Variants in OXR1 observed in about 807,000 individuals in gnomAD.
The protein encoded by OXR1 is oxidation resistance protein 1.
Under a neutral mutation model 104.6 loss-of-function variants are expected in OXR1, and 41 were observed. The ratio of observed to expected loss-of-function variants is 0.39; its 90% CI spans 0.31 to 0.51. The LOEUF (loss-of-function observed/expected upper bound fraction) is 0.51, where lower values mean the gene tolerates loss of function less well. Ranked by LOEUF, OXR1 falls within the 20% of genes least tolerant of loss-of-function variation. The probability of loss-of-function intolerance (pLI) is 0.77; values close to 1 mark genes in which losing one functional copy is unlikely to be tolerated. For missense variants in OXR1, 955 were observed against 1,031.9 expected, an observed-to-expected ratio of 0.93 and a Z score of 1.02; for synonymous variants, 348 against 348.4, an observed-to-expected ratio of 1.00 and a Z score of 0.01.
chr8:106,594,733 T>C (rs1819382870), intron 3 of OXR1, among the ~76,000 whole-genome samples: 1 of 152,164 alleles, frequency 6.6e-6, no homozygotes, highest in Non-Finnish European at 1.5e-5. Context: ...TGATTCATAT[T>C]GCTGCTAAGA....
chr8:106,542,690 G>A (rs2130340209), intron 3 of OXR1, among the ~76,000 whole-genome samples: 1 of 151,676 alleles, frequency 6.6e-6, no homozygotes, highest in South Asian at 2.1e-4. Context: ...CAGTTTAAAT[G>A]TTTCAAATAT....
At chr8:106,281,299 G>A (rs1222653301) in intron 1 of OXR1, among the ~76,000 whole-genome samples, 2 of 152,128 alleles carry the variant, frequency 1.3e-5, no homozygotes, top group Non-Finnish European at 2.9e-5. Context: ...CTCCAAATTG[G>A]AAATAACCCA....
intron 3 of OXR1, among the ~76,000 whole-genome samples, chr8:106,661,032 G>A (rs953807209): frequency 1.3e-5 from 2 of 151,598 alleles, no homozygotes; most frequent in African/African-American, 4.8e-5. Flanking sequence ...ACAAAAATTA[G>A]CCAGGCATGG....
intron 1 of OXR1, among the ~76,000 whole-genome samples, chr8:106,324,682 C>T (rs76460759): frequency 1.3e-5 from 2 of 152,080 alleles, no homozygotes; most frequent in Admixed American, 6.5e-5. Flanking sequence ...CCCACTGCTG[C>T]GGATGCTGAG....
chr8:106,688,598 A>G lies in OXR1; in HGVS notation c.526-4130A>G, dbSNP rs189839099. On this transcript the variant is annotated intron_variant, in intron 6 of 16. Transcript: ENST00000517566. The stretch of plus-strand genomic sequence containing the variant: ...TTTTTTTACTTAAAGAGTGCTTACT[A>G]TGTATTTACTGTGTTCATTTCAGAA... Among the ~76,000 whole-genome samples, 324 of 152,260 alleles carry G rather than the reference A, an allele frequency of 2.1e-3. 1 individual carries two copies. Among genetic ancestry groups the G allele is most frequent in the African/African-American group, 7.4e-3 (306 of 41,568 alleles).
intron 1 of OXR1, among the ~76,000 whole-genome samples, chr8:106,346,602 CATCAGCATGA>C (rs1815490002): frequency 6.6e-6 from 1 of 150,852 alleles, no homozygotes; most frequent in Admixed American, 6.6e-5. Context: ...TTTTTTTTCA[CATCAGCATGA>C]ATATCTGAAT....
At position 106,270,224 on chromosome 8, in the gene OXR1, G is replaced by C. The variant is rs2130451245; in HGVS notation, c.-282G>C. On this transcript the variant is annotated 5_prime_UTR_variant, in exon 1 of 17. Transcript: ENST00000517566. ...CGCCGGCAGCAGCGGGGCTAGAGCT[G>C]GGCTGCGTCAGGCTGAGCCCATTCA... 1.3e-5 allele frequency: 2 copies of C among 152,274 alleles called. No homozygotes were observed. Among genetic ancestry groups the C allele is most frequent in the East Asian group, 3.9e-4 (2 of 5,154 alleles). 9.4% of individuals were successfully genotyped at this position (152,274 alleles called of 1,614,324 possible). A position where few individuals can be genotyped will look rare whatever the true frequency, so the allele number is the denominator to read the frequency against.
At chr8:106,354,590 A>T (rs913115215) in intron 1 of OXR1, among the ~76,000 whole-genome samples, 3 of 152,156 alleles carry the variant, frequency 2.0e-5, no homozygotes, top group African/African-American at 4.8e-5. Flanking sequence ...CACTGTGTAC[A>T]CTTAATGCTT....
At chr8:106,689,117 A>T (rs1298872164) in intron 6 of OXR1, among the ~76,000 whole-genome samples, 2 of 152,158 alleles carry the variant, frequency 1.3e-5, no homozygotes, top group Non-Finnish European at 2.9e-5. Flanking sequence ...GAAATTTATT[A>T]CCATACAGTT....
intron 3 of OXR1, among the ~76,000 whole-genome samples, chr8:106,526,605 C>G (rs1356151434): frequency 2.6e-5 from 4 of 152,210 alleles, no homozygotes; most frequent in South Asian, 2.1e-4. Context: ...TGCAGTGGCG[C>G]AATCTCGGCT....
chr8:106,730,780 T>G (rs900021029), intron 11 of OXR1, among the ~76,000 whole-genome samples: 3 of 152,022 alleles, frequency 2.0e-5, no homozygotes, highest in Non-Finnish European at 2.9e-5. Context: ...GTGTGTTTGC[T>G]AGGCCAGTGT....
At chr8:106,332,598 T>G (rs1188587200) in intron 1 of OXR1, among the ~76,000 whole-genome samples, 1 of 152,152 alleles carries the variant, frequency 6.6e-6, no homozygotes, top group Non-Finnish European at 1.5e-5. Context: ...TTTTAAAAAA[T>G]TTGAAATATA....
intron 2 of OXR1, among the ~76,000 whole-genome samples, chr8:106,504,057 A>C (rs974690858): frequency 1.3e-5 from 2 of 152,222 alleles, no homozygotes; most frequent in Non-Finnish European, 2.9e-5. Context: ...GATGCCAGCA[A>C]GTAAGATCCC....
rs1835934331 is a variant in OXR1 at position 106,752,243 on chromosome 8, C to T, written c.*1302C>T. The T allele has an allele frequency of 6.6e-6, 1 of 152,420 alleles. No homozygotes were observed. Among genetic ancestry groups the T allele is most frequent in the Non-Finnish European group, 1.5e-5 (1 of 67,904 alleles). 9.4% of individuals were successfully genotyped at this position (152,420 alleles called of 1,614,324 possible). ...GTTTAAAGGTGTAGTTTTGTTCTTA[C>T]AGAAAGTGTTGATTGCCAGGTTGCT... is the stretch of plus-strand genomic sequence containing the variant. On this transcript the variant is annotated 3_prime_UTR_variant, in exon 17 of 17. Coordinates refer to ENST00000517566, the MANE Select transcript of OXR1 (RefSeq NM_001198533.2).
chr8:106,510,620 T>C (rs535849241), intron 2 of OXR1, among the ~76,000 whole-genome samples: 128 of 152,372 alleles, frequency 8.4e-4, no homozygotes, highest in African/African-American at 2.9e-3. Context: ...TGTATGCTTC[T>C]ATATAATTAT....
chr8:106,720,085 C>T (rs921602339), intron 11 of OXR1, among the ~76,000 whole-genome samples: 3 of 152,172 alleles, frequency 2.0e-5, no homozygotes, highest in African/African-American at 4.8e-5. Flanking sequence ...GGATTACAGG[C>T]GTGAGCCACC....
chr8:106,725,157 G>C (rs994805249), intron 11 of OXR1, among the ~76,000 whole-genome samples: 2 of 152,106 alleles, frequency 1.3e-5, no homozygotes, highest in Non-Finnish European at 2.9e-5. Context: ...TGAATGAGAG[G>C]AATAGGGGAA....
At chr8:106,699,465 T>A (rs967694669) in intron 7 of OXR1, among the ~76,000 whole-genome samples, 4 of 152,178 alleles carry the variant, frequency 2.6e-5, no homozygotes, top group African/African-American at 9.7e-5. Context: ...AAAGAGCTGA[T>A]CTTATGTGTT....
intron 2 of OXR1, among the ~76,000 whole-genome samples, chr8:106,422,346 G>A (rs1011564759): frequency 6.6e-6 from 1 of 152,030 alleles, no homozygotes; most frequent in Non-Finnish European, 1.5e-5. Context: ...TGATCCCAAT[G>A]GGAAATAAGA....
Sources: gnomAD v4.1 joint callset for allele counts (sites outside exome capture counted in the v4.1 genomes callset) on GRCh38, gnomAD v4.1.1 for gene constraint, MANE v1.5 for transcripts, NCBI Gene and HGNC (gene_info 2026-07-23, HGNC 2026-07-21) for gene names.